ASB10: variants seen among roughly 807,000 people sequenced by gnomAD.
ASB10 encodes the protein ankyrin repeat and SOCS box protein 10.
Under a neutral mutation model 35.4 loss-of-function variants are expected in ASB10, and 44 were observed. The ratio of observed to expected loss-of-function variants is 1.24; its 90% confidence interval spans 0.98 to 1.60. The LOEUF (loss-of-function observed/expected upper bound fraction) is 1.60, where lower values mean the gene tolerates loss of function less well. ASB10 is among the 40% of genes most tolerant of loss of function. ASB10 has a pLI of 0.00. For missense variants in ASB10, 647 were observed against 634.3 expected (o/e 1.02, Z -0.22); for synonymous variants, 294 against 280.4 (o/e 1.05, Z -0.49).
At position 151,181,108 on chromosome 7, in the gene ASB10, A is replaced by C; in HGVS notation, c.935T>G (p.Leu312Arg). 6.2e-7 allele frequency: 1 copy of C among 1,612,264 alleles called. No individual in the cohort carries two copies. Among genetic ancestry groups the C allele is most frequent in the Non-Finnish European group, 8.5e-7 (1 of 1,179,620 alleles). The change falls in exon 3 of 6, where the codon CTG (leucine) becomes CGG (arginine). Residue 312 changes from leucine (L) to arginine (R), a missense_variant. By Grantham distance (102) the Leu-to-Arg change is moderately radical. Transcript: ENST00000420175. ...CRRGHAAVVE[L>R]LLSCGVSANT... ...GGCGCTGACACCACAGGACAGGAGC[A>C]GCTCCACGACAGCTGCATGGCCACG...
intron 2 of ASB10, among the ~76,000 whole-genome samples, chr7:151,184,627 A>C (rs1801553368): frequency 6.6e-6 from 1 of 152,172 alleles, no homozygotes; most frequent in African/African-American, 2.4e-5. Flanking sequence ...TGATGGGGTT[A>C]GAATTTCAGT....
At chr7:151,186,773 C>T (rs375812188) in intron 1 of ASB10, 42 bp downstream of exon 1, 1 of 1,539,020 alleles carries the variant, frequency 6.5e-7, no homozygotes, top group African/African-American at 1.4e-5. Flanking sequence ...TCTGCAGCCT[C>T]CCCTCTCTCC....
At chr7:151,184,740 A>G (rs1377907571) in intron 2 of ASB10, among the ~76,000 whole-genome samples, 2 of 151,834 alleles carry the variant, frequency 1.3e-5, no homozygotes, top group African/African-American at 4.8e-5. Flanking sequence ...TGGTTACAAA[A>G]GGCCGGGCAC....
upstream of ASB10, chr7:151,187,431 C>G (rs750870125): frequency 1.3e-6 from 2 of 1,551,098 alleles, no homozygotes; most frequent in South Asian, 2.4e-5. This position sits in a 1 kb window ranked among gnomAD's most constrained non-coding sequence, Gnocchi z 5.3. Context: ...TGGTTCTCAG[C>G]AACCCCCAGA....
At chr7:151,178,299 T>C (rs1265134938) in intron 3 of ASB10, among the ~76,000 whole-genome samples, 1 of 151,882 alleles carries the variant, frequency 6.6e-6, no homozygotes, top group African/African-American at 2.4e-5. Flanking sequence ...GGGAGGGCAC[T>C]GTCCTAGACG....
intron 3 of ASB10, among the ~76,000 whole-genome samples, chr7:151,177,287 C>G (rs1322218439): frequency 6.6e-6 from 1 of 152,258 alleles, no homozygotes; most frequent in Non-Finnish European, 1.5e-5. Flanking sequence ...GTTGTCCCTG[C>G]AAGGGATGGA....
intron 2 of ASB10, among the ~76,000 whole-genome samples, chr7:151,183,011 G>T (rs919002960): frequency 6.6e-6 from 1 of 152,184 alleles, no homozygotes; most frequent in African/African-American, 2.4e-5. Flanking sequence ...TGGGAACATG[G>T]TCAGAACTAA....
At chr7:151,187,408 C>A, upstream of ASB10, 2 of 1,550,276 alleles carry the variant, frequency 1.3e-6, no homozygotes, top group Non-Finnish European at 1.7e-6. This position sits in a 1 kb window ranked among gnomAD's most constrained non-coding sequence, Gnocchi z 5.3. Context: ...CCGAGGCAGT[C>A]AGCCCAGCCC....
Position 151,176,626 on chromosome 7 carries a change from G to A in ASB10, c.1155C>T (p.Asn385=), listed in dbSNP as rs1801394581. The A allele has an allele frequency of 6.4e-7, 1 of 1,551,482 alleles. No homozygotes were observed. Among genetic ancestry groups the A allele is most frequent in the Non-Finnish European group, 8.7e-7 (1 of 1,146,976 alleles). ...CGGGAAGCTGCACAACACTGTAGGT[G>A]TTCATCAGGACCTCGATGGTCCGAG... ...TCPRTIEVLM[N]TYSVVQLPEE... is the part of the protein sequence containing the mutation. Residue 385 remains asparagine (N), a synonymous_variant, in exon 4 of 6, where the codon AAC becomes AAT. Transcript: ENST00000420175.
chr7:151,183,596 G>GT (rs1394258713), intron 2 of ASB10, among the ~76,000 whole-genome samples: 1 of 151,894 alleles, frequency 6.6e-6, no homozygotes, highest in Non-Finnish European at 1.5e-5. Flanking sequence ...TTGCTTGTTT[G>GT]TTTTTTTGAG....
At chr7:151,184,050 G>A (rs904604933) in intron 2 of ASB10, among the ~76,000 whole-genome samples, 37 of 152,114 alleles carry the variant, frequency 2.4e-4, no homozygotes, top group African/African-American at 8.0e-4. Flanking sequence ...GTCCCTCAAC[G>A]GGTGAATGAA....
At chr7:151,177,243 A>G (rs988685636) in intron 3 of ASB10, among the ~76,000 whole-genome samples, 4 of 152,276 alleles carry the variant, frequency 2.6e-5, no homozygotes, top group African/African-American at 9.6e-5. Context: ...AGGCCAGATG[A>G]TTTCTAGCAC....
At position 151,180,951 on chromosome 7, in the gene ASB10, C is replaced by A. The variant is rs151344614; in HGVS notation, c.1092G>T (p.Gly364=). Residue 364 remains glycine (G), a synonymous_variant, in exon 3 of 6, where the codon GGG becomes GGT. Transcript: ENST00000420175. ...LNHGAVRVWP[G]ALPKVLERWS... ...GCAGCCCCCATACCTTGGGGAGGGCCCCTGGCCAGACACGGACGGCGCCAT... is the reference window on the plus strand; with the variant it reads ...GCAGCCCCCATACCTTGGGGAGGGCACCTGGCCAGACACGGACGGCGCCAT... 2.1e-5 allele frequency: 33 copies of A among 1,543,872 alleles called. No individual in the cohort carries two copies. The highest frequency in any genetic ancestry group is 4.3e-4 in the Middle Eastern group (2 of 4,656).
Position 151,175,796 on chromosome 7 carries a change from C to A in ASB10, c.*171G>T. On this transcript the variant is annotated 3_prime_UTR_variant, in exon 6 of 6. Transcript: ENST00000420175. Reference sequence around the variant, plus strand: ...AGGAGTGTGTCTTCATCAGACATCACCCGGCTGCCGCTGTCGGTCCGCTTC... The same window carrying A: ...AGGAGTGTGTCTTCATCAGACATCAACCGGCTGCCGCTGTCGGTCCGCTTC... 1 of 374,928 alleles carries A rather than the reference C, an allele frequency of 2.7e-6. No homozygotes were observed. The highest frequency in any genetic ancestry group is 7.1e-4 in the Middle Eastern group (1 of 1,402). The allele number at this position is 374,928 out of a possible 1,614,324, so 23.2% of individuals were successfully genotyped here.
Position 151,176,244 on chromosome 7 carries a change from C to G in ASB10, c.1272G>C (p.Ser424=). Residue 424 remains serine, a synonymous_variant, in exon 5 of 6, where the codon TCG becomes TCC. Coordinates refer to ENST00000420175, the MANE Select transcript of ASB10 (RefSeq NM_001142459.2). The part of the protein sequence containing the change: ...SLFALVRQPR[S]LQHLSRCALR... ...GCGCACAGCGGCTCAAATGCTGCAG[C>G]GACCTGGGCTGCCTCACCAAGGCGA... 2 of 1,592,232 alleles carry G rather than the reference C, an allele frequency of 1.3e-6. No individual in the cohort carries two copies. The highest frequency in any genetic ancestry group is 4.5e-5 in the East Asian group (2 of 44,630).
Position 151,186,387 on chromosome 7 carries a change from C to T in ASB10, c.584+5G>A, listed in dbSNP as rs373346397. The T allele has an allele frequency of 1.9e-6, 3 of 1,579,704 alleles. No individual in the cohort carries two copies. Among genetic ancestry groups the T allele is most frequent in the African/African-American group, 1.3e-5 (1 of 74,230 alleles). On this transcript the variant is annotated splice_donor_5th_base_variant and intron_variant, in intron 2 of 5. Transcript: ENST00000420175. ...AACTGGGGGTTGGGGTGAGGGGTCA[C>T]TCACTCAAGGGTGCCAGGCCCCCGG...
intron 2 of ASB10, among the ~76,000 whole-genome samples, chr7:151,184,677 G>A (rs1473965977): frequency 1.3e-5 from 2 of 152,044 alleles, no homozygotes; most frequent in Non-Finnish European, 2.9e-5. Context: ...TGGTGGCGAT[G>A]GTTGAACAAC....
chr7:151,176,121 C>A lies in ASB10; in HGVS notation c.1395G>T (p.Val465=). 2 of 1,611,430 alleles carry A rather than the reference C, an allele frequency of 1.2e-6. No individual in the cohort carries two copies. Among genetic ancestry groups the A allele is most frequent in the Non-Finnish European group, 1.7e-6 (2 of 1,179,764 alleles). The change falls in exon 5 of 6, where the codon GTG becomes GTT. Residue 465 remains valine, a synonymous_variant. Coordinates refer to ENST00000420175, the MANE Select transcript of ASB10 (RefSeq NM_001142459.2). ...LRYLQLDFEG[V]LY ...AGATCCCGGGGCTCACCTAGTAGAG[C>A]ACGCCCTCAAAATCCAGCTGCAGGT...
chr7:151,177,823 C>A (rs1239334965), intron 3 of ASB10, among the ~76,000 whole-genome samples: 2 of 152,206 alleles, frequency 1.3e-5, no homozygotes, highest in Admixed American at 1.3e-4. Context: ...TTATTGAGGG[C>A]CTACTATGTG....
Sources: allele counts gnomAD v4.1 joint callset (sites outside exome capture counted in the v4.1 genomes callset), GRCh38; gene constraint gnomAD v4.1.1; non-coding constraint Gnocchi (gnomAD v3.1); transcripts MANE v1.5; gene names NCBI Gene and HGNC (gene_info 2026-07-23, HGNC 2026-07-21).